The following EYA2 variants were observed in gnomAD, a reference collection of about 807,000 sequenced individuals.
EYA2 encodes EYA transcriptional coactivator and phosphatase 2.
Under a neutral mutation model 69.2 loss-of-function variants are expected in EYA2, and 31 were observed. The observed-to-expected ratio is 0.45, with a 90% confidence interval of 0.34 to 0.60. The LOEUF (loss-of-function observed/expected upper bound fraction) is 0.60, where lower values mean the gene tolerates loss of function less well. Among genes scored for constraint, EYA2 ranks in the 20% least tolerant of loss-of-function variants. The pLI, the probability that EYA2 is intolerant of heterozygous loss-of-function variation, is 0.02. For synonymous variants in EYA2, 257 were observed against 279.4 expected, an observed-to-expected ratio of 0.92 and a Z score of 0.80; for missense variants, 622 against 701.2, an observed-to-expected ratio of 0.89 and a Z score of 1.28.
At chr20:46,906,486 A>G (rs1300292275) in intron 1 of EYA2, among the ~76,000 whole-genome samples, 1 of 152,212 alleles carries the variant, frequency 6.6e-6, no homozygotes, top group African/African-American at 2.4e-5. Flanking sequence ...GTCCGGGCAC[A>G]TCTAGTCTGT....
At chr20:47,091,446 A>T (rs2032081486) in intron 8 of EYA2, among the ~76,000 whole-genome samples, 2 of 152,146 alleles carry the variant, frequency 1.3e-5, no homozygotes, top group African/African-American at 4.8e-5. Context: ...AAGCAACAGA[A>T]ACCAGTACCG....
Position 47,180,957 on chromosome 20 carries a change from G to A in EYA2, c.1435+21G>A, listed in dbSNP as rs192504342. On this transcript the variant is annotated intron_variant, in intron 14 of 15. Transcript: ENST00000327619. ...GACAGGTAGGGAGAAGCCACACCTCGGCGGGGATACAGGGTTGGAGGGTGG... is the reference window on the plus strand; with the variant it reads ...GACAGGTAGGGAGAAGCCACACCTCAGCGGGGATACAGGGTTGGAGGGTGG... 1.9e-5 allele frequency: 30 copies of A among 1,611,842 alleles called. No individual in the cohort carries two copies. In the East Asian group the frequency reaches 4.0e-4, roughly 22 times the overall value.
At chr20:46,948,643 C>G (rs1978617915) in intron 1 of EYA2, among the ~76,000 whole-genome samples, 1 of 152,182 alleles carries the variant, frequency 6.6e-6, no homozygotes, top group Admixed American at 6.5e-5. Flanking sequence ...GATAAATACT[C>G]TGTTCAAGAT....
intron 9 of EYA2, chr20:47,117,413 C>G (rs2032929129): frequency 2.0e-6 from 2 of 985,370 alleles, no homozygotes; most frequent in African/African-American, 3.5e-5. Context: ...TCTTGCAGAT[C>G]CAGAGGCCAG....
At position 46,987,916 on chromosome 20, in the gene EYA2, G is replaced by GACACTCTCTCTCTCTC. The variant is rs56288405; in HGVS notation, c.-10-2085_-10-2084insACACTCTCTCTCTCTC. 3.9e-4 allele frequency among the ~76,000 whole-genome samples: 8 copies of GACACTCTCTCTCTCTC among 20,376 alleles called. No homozygotes were observed. The East Asian group carries it at 6.7e-3, about 17-fold the overall frequency. The allele number at this position is 20,376 out of a possible 152,430, so 13.4% of individuals were successfully genotyped here. ...TACTCCAGCCTGGAAGACAGAGTAA[G>GACACTCTCTCTCTCTC]TCTCTCTCTCTCTCTCTCTCTCTCT... On this transcript the variant is annotated intron_variant, in intron 1 of 15. Transcript: ENST00000327619.
At chr20:47,022,190 G>A (rs1360388403) in intron 5 of EYA2, among the ~76,000 whole-genome samples, 3 of 152,160 alleles carry the variant, frequency 2.0e-5, no homozygotes, top group Non-Finnish European at 2.9e-5. Context: ...GTCCAAACTC[G>A]TTCTGTGGTC....
intron 10 of EYA2, among the ~76,000 whole-genome samples, chr20:47,154,124 T>C (rs1272085178): frequency 6.6e-6 from 1 of 152,038 alleles, no homozygotes; most frequent in East Asian, 2.0e-4. Context: ...ATCCAGGTGC[T>C]GGCAAAGTTG....
intron 5 of EYA2, among the ~76,000 whole-genome samples, chr20:47,059,177 G>A (rs2030769066): frequency 6.6e-6 from 1 of 152,176 alleles, no homozygotes; most frequent in South Asian, 2.1e-4. Context: ...TGGTGAGCGG[G>A]GAGGGACCGG....
intron 7 of EYA2, among the ~76,000 whole-genome samples, chr20:47,075,150 G>A (rs929800023): frequency 9.2e-5 from 14 of 152,266 alleles, no homozygotes; most frequent in African/African-American, 2.2e-4. Context: ...CATCTGTTTC[G>A]TGCTGAGCAC....
intron 5 of EYA2, among the ~76,000 whole-genome samples, chr20:47,064,248 T>C (rs749631773): frequency 6.6e-6 from 1 of 152,240 alleles, no homozygotes; most frequent in Non-Finnish European, 1.5e-5. Context: ...TGAGCCACCA[T>C]GCCCAGCCTC....
chr20:47,076,560 GAT>G (rs942263405), intron 7 of EYA2, among the ~76,000 whole-genome samples: 3 of 152,054 alleles, frequency 2.0e-5, no homozygotes, highest in Non-Finnish European at 4.4e-5. Flanking sequence ...TATCTTTAAG[GAT>G]GTTTGTTTCT....
rs3085766 is a variant in EYA2 at position 46,898,394 on chromosome 20, AACACACAC to A, written c.-11+3430_-11+3437del. Among the ~76,000 whole-genome samples the A allele has an allele frequency of 5.5e-5, 8 of 146,562 alleles. No individual in the cohort carries two copies. In the East Asian group the frequency reaches 1.0e-3, roughly 18 times the overall value. On this transcript the variant is annotated intron_variant, in intron 1 of 15. Coordinates refer to ENST00000327619, the MANE Select transcript of EYA2 (RefSeq NM_005244.5). ...AAGAAAACACAGCCTGTTGACAGAA[AACACACAC>A]ACACACACACACACACACACACCAC...
intron 9 of EYA2, among the ~76,000 whole-genome samples, chr20:47,100,889 G>A (rs1047371061): frequency 1.3e-5 from 2 of 152,218 alleles, no homozygotes; most frequent in South Asian, 2.1e-4. Context: ...TCAAGCTGGG[G>A]AAACTGCTGT....
intron 1 of EYA2, among the ~76,000 whole-genome samples, chr20:46,926,795 C>T (rs1436705884): frequency 6.6e-6 from 1 of 152,188 alleles, no homozygotes; most frequent in Non-Finnish European, 1.5e-5. Flanking sequence ...TATGTGACTG[C>T]CGTGCCTAAT....
chr20:47,159,688 G>A (rs1479724903), intron 10 of EYA2, among the ~76,000 whole-genome samples: 2 of 152,066 alleles, frequency 1.3e-5, no homozygotes, highest in African/African-American at 2.4e-5. Flanking sequence ...CAACTTTTCT[G>A]TAAATCTAAA....
At chr20:47,132,878 AGAG>A (rs1385721661) in intron 9 of EYA2, among the ~76,000 whole-genome samples, 1 of 152,226 alleles carries the variant, frequency 6.6e-6, no homozygotes, top group African/African-American at 2.4e-5. Context: ...TGCCATCAGA[AGAG>A]AAGACAGTCT....
At chr20:47,055,598 T>C (rs1285864605) in intron 5 of EYA2, among the ~76,000 whole-genome samples, 1 of 152,184 alleles carries the variant, frequency 6.6e-6, no homozygotes, top group African/African-American at 2.4e-5. Context: ...CCTTATCCTC[T>C]CCTGAATTTC....
intron 1 of EYA2, among the ~76,000 whole-genome samples, chr20:46,978,000 A>C (rs1235189257): frequency 1.3e-5 from 2 of 152,174 alleles, no homozygotes; most frequent in East Asian, 1.9e-4. Flanking sequence ...GGCGTGATAT[A>C]CCTGTATCAA....
intron 5 of EYA2, among the ~76,000 whole-genome samples, chr20:47,024,847 G>C (rs1175842224): frequency 6.6e-6 from 1 of 152,194 alleles, no homozygotes; most frequent in Non-Finnish European, 1.5e-5. Flanking sequence ...CTCAGTCTTG[G>C]CCAGAAGTGA....
Sources: gnomAD v4.1 joint callset for allele counts (sites outside exome capture counted in the v4.1 genomes callset) on GRCh38, gnomAD v4.1.1 for gene constraint, MANE v1.5 for transcripts, NCBI Gene and HGNC (gene_info 2026-07-23, HGNC 2026-07-21) for gene names.